GAREM2: variants seen among roughly 807,000 people sequenced by gnomAD.
The protein encoded by GAREM2 is GRB2-associated and regulator of MAPK protein 2.
In GAREM2, 30 loss-of-function variants were observed where a neutral mutation model predicts 55.6. The ratio of observed to expected loss-of-function variants is 0.54; its 90% CI spans 0.40 to 0.73. GAREM2 has a LOEUF of 0.73. Among genes scored for constraint, GAREM2 ranks in the 30% least tolerant of loss-of-function variants. The probability of loss-of-function intolerance (pLI) is 0.00; values close to 1 mark genes in which losing one functional copy is unlikely to be tolerated. For synonymous variants in GAREM2, 550 were observed against 569.1 expected (o/e 0.97, Z 0.48); for missense variants, 1,075 against 1,257.7 (o/e 0.85, Z 2.20).
chr2:26,198,560 AC>A, the GAREM2 span, among the ~76,000 whole-genome samples: 1 of 152,072 alleles, frequency 6.6e-6, no homozygotes, highest in African/African-American at 2.4e-5. Flanking sequence ...CAGAATCCTA[AC>A]AGAGATGAGA....
At chr2:26,194,612 C>G, downstream of GAREM2, 1 of 1,612,320 alleles carries the variant, frequency 6.2e-7, no homozygotes, top group Non-Finnish European at 8.5e-7. Flanking sequence ...GCGCAAGACA[C>G]CTGGTAGTAT....
chr2:26,188,922 G>C lies in GAREM2; in HGVS notation c.*665G>C, dbSNP rs969309327. ...GACAACTTTGGAAGAGCACAGCTCT[G>C]CAATTGACCCGACCCACTTATCTAG... is the stretch of plus-strand genomic sequence containing the variant. On this transcript the variant is annotated 3_prime_UTR_variant, in exon 6 of 6. Coordinates refer to ENST00000401533, the MANE Select transcript of GAREM2 (RefSeq NM_001168241.2). 2 of 152,300 alleles carry C rather than the reference G, an allele frequency of 1.3e-5. No individual in the cohort carries two copies. The highest frequency in any genetic ancestry group is 4.8e-5 in the African/African-American group (2 of 41,456). 9.4% of individuals were successfully genotyped at this position (152,300 alleles called of 1,614,324 possible).
chr2:26,199,967 C>G, the GAREM2 span, among the ~76,000 whole-genome samples: 1 of 152,014 alleles, frequency 6.6e-6, no homozygotes, highest in Non-Finnish European at 1.5e-5. Flanking sequence ...AGAGCCCTGC[C>G]CAGATTGCAG....
At position 26,184,387 on chromosome 2, in the gene GAREM2, GGGCCGGGGCGCT is replaced by G. The variant is rs1465483534; in HGVS notation, c.548_559del (p.Ala183_Gly186del). 9 of 1,530,874 alleles carry G rather than the reference GGGCCGGGGCGCT, an allele frequency of 5.9e-6. No individual in the cohort carries two copies. The highest frequency in any genetic ancestry group is 1.4e-5 in the African/African-American group (1 of 71,272). The allele number at this position is 1,530,874 out of a possible 1,614,324, so 94.8% of individuals were successfully genotyped here. On this transcript the variant is annotated inframe_deletion, in exon 4 of 6. Coordinates refer to ENST00000401533, the MANE Select transcript of GAREM2 (RefSeq NM_001168241.2). The stretch of plus-strand genomic sequence containing the variant: ...ACCACCCTCCTGCGAAAGCTGGGCC[GGGCCGGGGCGCT>G]GGCCGGGGTGGGCGGCGGCGGCCCA...
At chr2:26,177,534 T>C (rs927157047) in intron 2 of GAREM2, among the ~76,000 whole-genome samples, 3 of 152,058 alleles carry the variant, frequency 2.0e-5, no homozygotes, top group Admixed American at 2.0e-4. Flanking sequence ...TTTTTAGAGA[T>C]GGTCTCCTTA....
the GAREM2 span, chr2:26,197,810 G>A: frequency 1.5e-5 from 16 of 1,061,094 alleles, no homozygotes; most frequent in African/African-American, 2.2e-4. Flanking sequence ...AATGTGTCAG[G>A]TAGGCCTGGG....
chr2:26,187,136 T>A, intron 5 of GAREM2, 95 bp from the exon 6 acceptor site: 1 of 1,356,926 alleles, frequency 7.4e-7, no homozygotes, highest in Non-Finnish European at 9.5e-7. Flanking sequence ...GTTGCTGAGG[T>A]CATAGTGGTG....
At chr2:26,183,541 T>G (rs1184841188) in intron 3 of GAREM2, among the ~76,000 whole-genome samples, 2 of 152,106 alleles carry the variant, frequency 1.3e-5, no homozygotes, top group Non-Finnish European at 2.9e-5. Flanking sequence ...CTGGGCAACA[T>G]GGAGAGACCC....
At chr2:26,194,537 G>A, downstream of GAREM2, 2 of 1,352,610 alleles carry the variant, frequency 1.5e-6, no homozygotes, top group Non-Finnish European at 2.1e-6. Flanking sequence ...AGGAGTGGAA[G>A]ATGCCGCAAA....
intron 3 of GAREM2, 121 bp downstream of exon 3, chr2:26,183,218 C>T (rs1296217171): frequency 1.9e-6 from 2 of 1,062,498 alleles, no homozygotes; most frequent in Non-Finnish European, 2.7e-6. Context: ...CTGGGGACCC[C>T]TTAGGGGTCT....
chr2:26,176,548 C>T, intron 2 of GAREM2, 64 bp downstream of exon 2: 4 of 1,376,432 alleles, frequency 2.9e-6, no homozygotes, highest in Non-Finnish European at 3.8e-6. Context: ...GGGACTGGGG[C>T]CAGGGGTAGG....
At chr2:26,182,869 G>A (rs1669097995) in intron 2 of GAREM2, 98 bp from the exon 3 acceptor site, 6 of 1,442,622 alleles carry the variant, frequency 4.2e-6, no homozygotes, top group Non-Finnish European at 4.7e-6. Flanking sequence ...GGGGCTGGCC[G>A]AGATTATGGT....
chr2:26,201,700 G>A, the GAREM2 span, among the ~76,000 whole-genome samples: 1 of 152,172 alleles, frequency 6.6e-6, no homozygotes, highest in Non-Finnish European at 1.5e-5. Flanking sequence ...ACCTATGACA[G>A]GGGAAGCAGC....
At chr2:26,190,011 C>G (rs904990036), downstream of GAREM2, among the ~76,000 whole-genome samples, 1 of 152,250 alleles carries the variant, frequency 6.6e-6, no homozygotes, top group Non-Finnish European at 1.5e-5. Flanking sequence ...CAGGCTCTCT[C>G]AGACCAAATT....
chr2:26,192,896 G>A (rs1669552372), downstream of GAREM2, among the ~76,000 whole-genome samples: 1 of 152,220 alleles, frequency 6.6e-6, no homozygotes, highest in South Asian at 2.1e-4. Context: ...AAGGAAAGAA[G>A]ATCTTGTGAC....
At chr2:26,191,319 T>C (rs769504502), downstream of GAREM2, 2 of 1,613,924 alleles carry the variant, frequency 1.2e-6, no homozygotes, top group South Asian at 2.2e-5. Flanking sequence ...TGAACTGTTT[T>C]CCATAGGCAG....
In GAREM2 at chr2:26,187,760, AGTTCTCCAGAGCCTGAGCTGCTGC is replaced by A; in HGVS notation, c.2135_2158del (p.Pro712_Ser719del). 1.4e-6 allele frequency: 2 copies of A among 1,448,172 alleles called. No homozygotes were observed. 89.7% of individuals were successfully genotyped at this position (1,448,172 alleles called of 1,614,324 possible). On this transcript the variant is annotated inframe_deletion, in exon 6 of 6. Coordinates refer to ENST00000401533, the MANE Select transcript of GAREM2 (RefSeq NM_001168241.2). ...CGATCCCTTTGAGCTGGGGCAGGGC[AGTTCTCCAGAGCCTGAGCTGCTGC>A]GTTCTCAGGAGCCCAGAGCAGTGGG... is the stretch of plus-strand genomic sequence containing the variant.
intron 2 of GAREM2, among the ~76,000 whole-genome samples, chr2:26,178,492 G>GT (rs1364026330): frequency 6.6e-6 from 1 of 152,164 alleles, no homozygotes; most frequent in Non-Finnish European, 1.5e-5. Context: ...CTGAAGCCAG[G>GT]TGGGGGGGAT....
chr2:26,201,048 T>C, the GAREM2 span: 3 of 904,302 alleles, frequency 3.3e-6, no homozygotes, highest in Non-Finnish European at 5.4e-6. Context: ...TAGTCCTTTT[T>C]ATAAAAGCAA....
Sources: gnomAD v4.1 joint callset for allele counts (sites outside exome capture counted in the v4.1 genomes callset) on GRCh38, gnomAD v4.1.1 for gene constraint, MANE v1.5 for transcripts, NCBI Gene and HGNC (gene_info 2026-07-23, HGNC 2026-07-21) for gene names.